The following WHRN variants were observed in gnomAD, a reference collection of about 807,000 sequenced individuals.
WHRN encodes the protein CASK-interacting protein CIP98.
A neutral mutation model predicts 68.3 loss-of-function variants in WHRN; 41 were observed. The observed-to-expected ratio is 0.60, with a 90% CI of 0.47 to 0.78. WHRN has a LOEUF of 0.78. Among genes scored for constraint, WHRN ranks in the 30% least tolerant of loss-of-function variants. WHRN has a pLI of 0.00. For missense variants in WHRN, 1,243 were observed against 1,244.7 expected (o/e 1.00, Z 0.02); for synonymous variants, 560 against 561.3 (o/e 1.00, Z 0.03).
At chr9:114,492,246 T>C (rs968126749) in intron 1 of WHRN, among the ~76,000 whole-genome samples, 2 of 151,960 alleles carry the variant, frequency 1.3e-5, no homozygotes, top group Admixed American at 1.3e-4. Flanking sequence ...AGCTTTAAAA[T>C]TGCGCCTCTC....
At chr9:114,504,068 A>AAAAGCCCAG in intron 1 of WHRN, 116 bp downstream of exon 1, 2 of 1,493,310 alleles carry the variant, frequency 1.3e-6, no homozygotes, top group Non-Finnish European at 1.8e-6. Context: ...AAAAAAAAAA[A>AAAAGCCCAG]AAAAGCCCAG....
intron 7 of WHRN, among the ~76,000 whole-genome samples, chr9:114,423,027 T>A (rs1341419780): frequency 1.6e-5 from 2 of 127,840 alleles, no homozygotes; most frequent in African/African-American, 6.1e-5. Flanking sequence ...ATTTACCTAC[T>A]TTTTTTTTTT....
intron 3 of WHRN, among the ~76,000 whole-genome samples, chr9:114,456,826 CA>C (rs58142457): frequency 0.02 from 2,853 of 141,170 alleles, 39 homozygotes; most frequent in African/African-American, 0.037. Flanking sequence ...AAGACTATCT[CA>C]AAAAAAAAAA....
At chr9:114,427,353 G>A (rs1836970169) in intron 3 of WHRN, among the ~76,000 whole-genome samples, 1 of 152,162 alleles carries the variant, frequency 6.6e-6, no homozygotes, top group African/African-American at 2.4e-5. Flanking sequence ...AAATAGAAGG[G>A]GTTGAAAGGG....
At position 114,424,484 on chromosome 9, in the gene WHRN, T is replaced by C. The variant is rs1246623266; in HGVS notation, c.1266A>G (p.Thr422=). 6.2e-6 allele frequency: 10 copies of C among 1,613,930 alleles called. No individual in the cohort carries two copies. In the Admixed American group the frequency reaches 1.7e-4, roughly 27 times the overall value. The part of the protein sequence containing the change: ...QVTLSSLGNQ[T]RVLLEEQARH... ...GAGCCTGCTCCTCCAGCAGCACTCG[T>C]GTCTGGTTCCCCAGGCTGCTCAGGG... The change falls in exon 6 of 12, where the codon ACA becomes ACG. Residue 422 remains threonine (T), a synonymous_variant. Transcript: ENST00000362057.
At chr9:114,482,684 A>T (rs1432124232) in intron 1 of WHRN, among the ~76,000 whole-genome samples, 3 of 145,818 alleles carry the variant, frequency 2.1e-5, no homozygotes, top group African/African-American at 5.1e-5. Context: ...CAAGGAGTTT[A>T]AAAAAAAAAA....
chr9:114,479,757 C>T (rs1367421121), intron 1 of WHRN, among the ~76,000 whole-genome samples: 1 of 152,162 alleles, frequency 6.6e-6, no homozygotes, highest in African/African-American at 2.4e-5. Context: ...CCTGCCCACA[C>T]AGTGAGTAAG....
intron 7 of WHRN, among the ~76,000 whole-genome samples, chr9:114,408,462 C>T: frequency 6.6e-6 from 1 of 152,212 alleles, no homozygotes. Flanking sequence ...TGGTTTTAAT[C>T]CCAAGGTGGT....
intron 2 of WHRN, among the ~76,000 whole-genome samples, chr9:114,475,073 A>G (rs1228820365): frequency 2.0e-5 from 3 of 152,308 alleles, no homozygotes; most frequent in Non-Finnish European, 4.4e-5. Flanking sequence ...TGGTGCAGAC[A>G]CTAGGGAAAA....
chr9:114,450,773 C>T (rs1030341642), intron 3 of WHRN, among the ~76,000 whole-genome samples: 1 of 152,070 alleles, frequency 6.6e-6, no homozygotes, highest in African/African-American at 2.4e-5. Flanking sequence ...GTCATCACCG[C>T]CCCGGCACAC....
intron 3 of WHRN, among the ~76,000 whole-genome samples, chr9:114,458,672 C>T (rs1411668848): frequency 1.3e-5 from 2 of 152,140 alleles, no homozygotes; most frequent in Non-Finnish European, 2.9e-5. Context: ...CTTTGGTGGG[C>T]ACCAGGTGCT....
intron 1 of WHRN, among the ~76,000 whole-genome samples, chr9:114,495,140 G>T (rs1483353634): frequency 2.0e-5 from 3 of 152,238 alleles, no homozygotes; most frequent in African/African-American, 7.2e-5. Flanking sequence ...GAACAGGACT[G>T]CTGGTAAAGA....
intron 3 of WHRN, among the ~76,000 whole-genome samples, chr9:114,429,487 C>T (rs4979389): frequency 0.98 from 149,138 of 152,328 alleles, 73,073 homozygotes; most frequent in East Asian, 1. Flanking sequence ...TCTCCAAATA[C>T]CTAAAGTCAG....
intron 3 of WHRN, among the ~76,000 whole-genome samples, chr9:114,427,742 A>G (rs566497984): frequency 6.6e-6 from 1 of 151,968 alleles, no homozygotes; most frequent in African/African-American, 2.4e-5. Context: ...AAGTGGTTAC[A>G]AAGACAGACT....
intron 3 of WHRN, among the ~76,000 whole-genome samples, 163 bp from the exon 4 acceptor site, chr9:114,426,576 T>A (rs553089872): frequency 1.3e-5 from 2 of 152,180 alleles, no homozygotes; most frequent in Non-Finnish European, 2.9e-5. Flanking sequence ...AGCAAGTCAA[T>A]AGCAGTGCTG....
rs771004435 is a variant in WHRN, at chr9:114,424,464, T to C, written c.1286A>G (p.Gln429Arg). The change falls in exon 6 of 12, where the codon CAG becomes CGG. Residue 429 changes from glutamine to arginine, a missense_variant. Transcript: ENST00000362057. Reference sequence around the variant, plus strand: ...CTGCTCGTTCAGCAGGTGCCGAGCCTGCTCCTCCAGCAGCACTCGTGTCTG... The same window carrying C: ...CTGCTCGTTCAGCAGGTGCCGAGCCCGCTCCTCCAGCAGCACTCGTGTCTG... Reference protein sequence around the residue: ...GNQTRVLLEEQARHLLNEQEH... With the variant: ...GNQTRVLLEERARHLLNEQEH... 1 of 1,613,954 alleles carries C rather than the reference T, an allele frequency of 6.2e-7. No homozygotes were observed. The highest frequency in any genetic ancestry group is 8.5e-7 in the Non-Finnish European group (1 of 1,179,988).
chr9:114,431,665 A>G (rs1018341604), intron 3 of WHRN, among the ~76,000 whole-genome samples: 1 of 152,222 alleles, frequency 6.6e-6, no homozygotes, highest in Admixed American at 6.5e-5. Flanking sequence ...CTCTTTCCCA[A>G]AGAAAACTAA....
intron 3 of WHRN, among the ~76,000 whole-genome samples, chr9:114,442,885 C>T (rs1838497400): frequency 1.3e-5 from 2 of 152,086 alleles, no homozygotes; most frequent in South Asian, 4.2e-4. Context: ...CGCACAAATA[C>T]AAGGGTATAT....
chr9:114,486,884 TAGTGTGTGTGTGTGTGTGTGTAG>T (rs1260848157), intron 1 of WHRN, among the ~76,000 whole-genome samples: 18 of 94,114 alleles, frequency 1.9e-4, no homozygotes, highest in African/African-American at 8.2e-4. Flanking sequence ...ATGATTAAAT[TAGTGTGTGTGTGTGTGTGTGTAG>T]AGTGTGTGTG....
Sources: gnomAD v4.1 joint callset for allele counts (sites outside exome capture counted in the v4.1 genomes callset) on GRCh38, gnomAD v4.1.1 for gene constraint, MANE v1.5 for transcripts, NCBI Gene and HGNC (gene_info 2026-07-23, HGNC 2026-07-21) for gene names.